KLHL5: variants seen among roughly 807,000 people sequenced by gnomAD.
KLHL5 encodes kelch like family member 5, also known as kelch-like protein 5.
A neutral mutation model predicts 77.7 loss-of-function variants in KLHL5; 48 were observed. That is an observed-to-expected ratio of 0.62 (90% CI 0.49 to 0.79). The LOEUF (loss-of-function observed/expected upper bound fraction) is 0.79, where lower values mean the gene tolerates loss of function less well. Among genes scored for constraint, KLHL5 ranks in the 30% least tolerant of loss-of-function variants. The pLI is 0.00. For missense variants in KLHL5, 723 were observed against 859.7 expected (o/e 0.84, Z 1.99); for synonymous variants, 260 against 297.0 (o/e 0.88, Z 1.28).
chr4:39,074,484 G>T (rs1404177421), intron 1 of KLHL5, among the ~76,000 whole-genome samples: 1 of 152,108 alleles, frequency 6.6e-6, no homozygotes. Context: ...CCTGTTCTTA[G>T]CCACTTTAAG....
At chr4:39,115,703 C>A (rs749724695) in intron 10 of KLHL5, 74 of 1,195,118 alleles carry the variant, frequency 6.2e-5, no homozygotes, top group Non-Finnish European at 7.6e-5. Flanking sequence ...CATGTGTGAG[C>A]AGTCGGATTT....
At chr4:39,046,603 C>G (rs1716210627) in intron 1 of KLHL5, among the ~76,000 whole-genome samples, 1 of 152,018 alleles carries the variant, frequency 6.6e-6, no homozygotes, top group Non-Finnish European at 1.5e-5. Flanking sequence ...AATAAAATAA[C>G]AAAGTTTCAT....
chr4:39,128,593 A>G (rs1723659412), downstream of KLHL5, among the ~76,000 whole-genome samples: 1 of 152,192 alleles, frequency 6.6e-6, no homozygotes, highest in African/African-American at 2.4e-5. Flanking sequence ...TGGGATAAAG[A>G]CTGCCAGCAG....
At chr4:39,072,164 T>C (rs2109332873) in intron 1 of KLHL5, among the ~76,000 whole-genome samples, 1 of 147,416 alleles carries the variant, frequency 6.8e-6, no homozygotes, top group African/African-American at 2.7e-5. Flanking sequence ...AAGACAACCA[T>C]CCAAACAACA....
At chr4:39,135,779 C>T in the KLHL5 span, among the ~76,000 whole-genome samples, 1 of 152,088 alleles carries the variant, frequency 6.6e-6, no homozygotes, top group African/African-American at 2.4e-5. Flanking sequence ...TGGTGCGCTC[C>T]TGTAATCCCA....
rs34715117 is a variant in KLHL5 at position 39,078,385 on chromosome 4, C to CA, written c.566+2250dup. 9.9e-3 allele frequency among the ~76,000 whole-genome samples: 1,439 copies of CA among 144,752 alleles called. 31 individuals are homozygous for CA. Among genetic ancestry groups the CA allele is most frequent in the African/African-American group, 0.034 (1,328 of 38,992 alleles). 95.0% of individuals were successfully genotyped at this position (144,752 alleles called of 152,430 possible). On this transcript the variant is annotated intron_variant, in intron 2 of 10. Transcript: ENST00000504108. ...TGGGTGACAGAGTAAGACCCTGTCT[C>CA]AAAAAAAAAAAAGAATGATACAATA...
intron 1 of KLHL5, among the ~76,000 whole-genome samples, chr4:39,049,947 C>T (rs1360733823): frequency 2.6e-5 from 4 of 151,914 alleles, no homozygotes; most frequent in African/African-American, 4.8e-5. Context: ...TCATGGTGCA[C>T]GCCTGTAATC....
rs1719596674 is a variant in KLHL5 at position 39,081,294 on chromosome 4, G to T, written c.703+55G>T. The T allele has an allele frequency of 1.4e-6, 2 of 1,432,534 alleles. No individual in the cohort carries two copies. Among genetic ancestry groups the T allele is most frequent in the South Asian group, 3.0e-5 (2 of 67,610 alleles). The allele number at this position is 1,432,534 out of a possible 1,614,324, so 88.7% of individuals were successfully genotyped here. Reference sequence around the variant, plus strand: ...CTCTTAGATTTATGTTGTATTATTAGATTTCAGATTTCTGTTTTTAGAAAG... The same window carrying T: ...CTCTTAGATTTATGTTGTATTATTATATTTCAGATTTCTGTTTTTAGAAAG... On this transcript the variant is annotated intron_variant, in intron 3 of 10. Coordinates refer to ENST00000504108, the MANE Select transcript of KLHL5 (RefSeq NM_015990.5). The surrounding 1 kb of genome is among the most constrained non-coding windows in gnomAD (Gnocchi z 4.3).
At position 39,086,904 on chromosome 4, in the gene KLHL5, C is replaced by CTTTTTTT. The variant is rs71643263; in HGVS notation, c.1113+195_1113+201dup. On this transcript the variant is annotated intron_variant, in intron 5 of 10. Transcript: ENST00000504108. ...TAAATTGCTTCAATTAAGTAACATT[C>CTTTTTTT]TTTTTTTTTTTTTTTTTTTTTTTTG... Among the ~76,000 whole-genome samples the CTTTTTTT allele has an allele frequency of 1.7e-3, 133 of 78,344 alleles. 2 individuals carry two copies. Among genetic ancestry groups the CTTTTTTT allele is most frequent in the East Asian group, 2.5e-3 (6 of 2,384 alleles). The allele number at this position is 78,344 out of a possible 152,430, so 51.4% of individuals were successfully genotyped here.
intron 6 of KLHL5, among the ~76,000 whole-genome samples, chr4:39,098,751 A>G (rs1721293940): frequency 6.6e-6 from 1 of 152,038 alleles, no homozygotes; most frequent in Admixed American, 6.5e-5. Context: ...CTTTTAGTAG[A>G]GATGGGGTTT....
Position 39,081,157 on chromosome 4 carries a change from CAGAG to C in KLHL5, c.624_627del (p.Glu209GlnfsTer6), listed in dbSNP as rs1276743919. 6.2e-7 allele frequency: 1 copy of C among 1,611,984 alleles called. No homozygotes were observed. Among genetic ancestry groups the C allele is most frequent in the Admixed American group, 1.7e-5 (1 of 59,822 alleles). On this transcript the variant is annotated frameshift_variant, in exon 3 of 11. Transcript: ENST00000504108. LOFTEE classifies it high-confidence loss of function. The surrounding 1 kb of genome is among the most constrained non-coding windows in gnomAD (Gnocchi z 4.3). The stretch of plus-strand genomic sequence containing the variant: ...TTGCTGCCATGTTTACTAATGATGT[CAGAG>C]AGGCAAGACAAGAAGAAATAAAAAT...
intron 5 of KLHL5, among the ~76,000 whole-genome samples, chr4:39,087,071 T>A (rs2109410262): frequency 6.6e-6 from 1 of 152,106 alleles, no homozygotes; most frequent in African/African-American, 2.4e-5. Flanking sequence ...CCACCATGCC[T>A]GGCTAATTGT....
Position 39,092,429 on chromosome 4 carries a change from G to A in KLHL5, c.1114-4263G>A, listed in dbSNP as rs114387313. Among the ~76,000 whole-genome samples, 550 of 152,198 alleles carry A rather than the reference G, an allele frequency of 3.6e-3. 4 individuals carry two copies. Among genetic ancestry groups the A allele is most frequent in the African/African-American group, 0.013 (523 of 41,518 alleles). Reference sequence around the variant, plus strand: ...GCAGTTACTATTAAGTCTCCCAAGAGTTTACTTTCTACATTTTTTTCACAT... The same window carrying A: ...GCAGTTACTATTAAGTCTCCCAAGAATTTACTTTCTACATTTTTTTCACAT... On this transcript the variant is annotated intron_variant, in intron 5 of 10. Coordinates refer to ENST00000504108, the MANE Select transcript of KLHL5 (RefSeq NM_015990.5).
At chr4:39,076,186 C>A in intron 2 of KLHL5, 39 bp downstream of exon 2, 4 of 1,548,974 alleles carry the variant, frequency 2.6e-6, no homozygotes, top group Non-Finnish European at 3.5e-6. Flanking sequence ...TGAAATATTT[C>A]CTCGGTAATT....
the KLHL5 span, among the ~76,000 whole-genome samples, chr4:39,132,813 GTTCAT>G: frequency 1.2e-4 from 18 of 152,110 alleles, no homozygotes; most frequent in African/African-American, 3.9e-4. Context: ...GCTAAAACGT[GTTCAT>G]TTCATTACAC....
intron 1 of KLHL5, among the ~76,000 whole-genome samples, chr4:39,074,697 T>C (rs1473370222): frequency 6.6e-6 from 1 of 152,228 alleles, no homozygotes; most frequent in African/African-American, 2.4e-5. Context: ...TTAAGTTCCT[T>C]TACTTTAAAA....
rs1721108308 is a variant in KLHL5 at position 39,096,798 on chromosome 4, T to C, written c.1220T>C (p.Met407Thr). The C allele has an allele frequency of 4.3e-6, 7 of 1,613,828 alleles. No individual in the cohort carries two copies. The highest frequency in any genetic ancestry group is 2.7e-5 in the African/African-American group (2 of 74,932). ...KYHLLPERRP[M>T]LQSPRTKPRK... ...CATTTATTACCAGAGAGACGACCCA[T>C]GTTACAAAGTCCTCGGACAAAACCT... Residue 407 changes from methionine to threonine, a missense_variant, in exon 6 of 11, where the codon ATG (methionine) becomes ACG (threonine). Met to Thr is a moderately conservative substitution (Grantham distance 81). This residue lies in a region of KLHL5 where 288 missense variants were observed against 400.3 expected (regional missense o/e 0.72). Coordinates refer to ENST00000504108, the MANE Select transcript of KLHL5 (RefSeq NM_015990.5).
chr4:39,090,726 A>G (rs969396031), intron 5 of KLHL5, among the ~76,000 whole-genome samples: 4 of 151,744 alleles, frequency 2.6e-5, no homozygotes, highest in African/African-American at 7.3e-5. Context: ...TGGGATTACA[A>G]ACTTGAGCCA....
chr4:39,129,219 G>GTTGCCCAGGCTGGAGTGCAGTGGCA (rs1306047828), downstream of KLHL5, among the ~76,000 whole-genome samples: 1 of 138,538 alleles, frequency 7.2e-6, no homozygotes, highest in Non-Finnish European at 1.5e-5. The surrounding 1 kb of genome is among the most constrained non-coding windows in gnomAD (Gnocchi z 4.2). Context: ...GTCTTGCTCT[G>GTTGCCCAGGCTGGAGTGCAGTGGCA]TTGCCCAGGC....
Sources: gnomAD v4.1 joint callset for allele counts (sites outside exome capture counted in the v4.1 genomes callset) on GRCh38, gnomAD v4.1.1 for gene constraint, gnomAD v4.1.1 regional missense constraint, Gnocchi (gnomAD v3.1) non-coding constraint, MANE v1.5 for transcripts, NCBI Gene and HGNC (gene_info 2026-07-23, HGNC 2026-07-21) for gene names.